Variants in SERPINB7 observed in about 807,000 individuals in gnomAD.
SERPINB7 encodes serpin B7.
In SERPINB7, 31 loss-of-function variants were observed where a neutral mutation model predicts 37.4. The ratio of observed to expected loss-of-function variants is 0.83; its 90% CI spans 0.62 to 1.12. The LOEUF (loss-of-function observed/expected upper bound fraction) is 1.12. Ranked by LOEUF, SERPINB7 falls within the 50% of genes most tolerant of loss-of-function variation. SERPINB7 has a pLI of 0.00. For missense variants in SERPINB7, 521 were observed against 455.3 expected (o/e 1.14, Z -1.31); for synonymous variants, 163 against 166.1 (o/e 0.98, Z 0.14).
chr18:63,782,608 A>T, intron 2 of SERPINB7, 68 bp downstream of exon 2: 1 of 1,444,680 alleles, frequency 6.9e-7, no homozygotes, highest in Non-Finnish European at 9.4e-7. Context: ...TTTCGTTGCA[A>T]TGGTCCCCAT....
At chr18:63,756,638 T>C (rs142855225) in intron 1 of SERPINB7, among the ~76,000 whole-genome samples, 104 of 152,328 alleles carry the variant, frequency 6.8e-4, no homozygotes, top group African/African-American at 2.3e-3. Flanking sequence ...CCCACCTTCA[T>C]GCTCGGCATT....
chr18:63,761,772 C>A (rs1444706233), intron 1 of SERPINB7, among the ~76,000 whole-genome samples: 1 of 152,102 alleles, frequency 6.6e-6, no homozygotes, highest in African/African-American at 2.4e-5. Flanking sequence ...TAAGAAGTGC[C>A]TTTCACCTCC....
At position 63,776,215 on chromosome 18, in the gene SERPINB7, T is replaced by C. The variant is rs113492262; in HGVS notation, c.-19+499T>C. 8.0e-3 allele frequency among the ~76,000 whole-genome samples: 1,210 copies of C among 152,130 alleles called. 20 individuals carry two copies. The highest frequency in any genetic ancestry group is 0.028 in the African/African-American group (1,164 of 41,508). On this transcript the variant is annotated intron_variant, in intron 1 of 7. Coordinates refer to ENST00000398019, the MANE Select transcript of SERPINB7 (RefSeq NM_003784.4). ...TTAAAATAATGAAATATAATGTAGC[T>C]ACATAAAGATGAATTCAATAGATGC...
intron 1 of SERPINB7, among the ~76,000 whole-genome samples, chr18:63,758,231 A>G (rs1017627851): frequency 1.1e-4 from 16 of 152,208 alleles, no homozygotes; most frequent in Non-Finnish European, 7.3e-5. Flanking sequence ...ATAAACCCCC[A>G]GAAATTTTTA....
intron 2 of SERPINB7, among the ~76,000 whole-genome samples, chr18:63,784,232 G>A (rs2049342269): frequency 6.6e-6 from 1 of 152,108 alleles, no homozygotes; most frequent in African/African-American, 2.4e-5. Flanking sequence ...TTCTACAACT[G>A]GTTTTCTCAA....
intron 1 of SERPINB7, among the ~76,000 whole-genome samples, chr18:63,757,596 C>T (rs2049129267): frequency 1.3e-5 from 2 of 152,186 alleles, no homozygotes; most frequent in African/African-American, 4.8e-5. Context: ...ACAGCCATGT[C>T]TATTTGCTTA....
At chr18:63,804,116 A>T in intron 7 of SERPINB7, 121 bp from the exon 8 acceptor site, 1 of 698,202 alleles carries the variant, frequency 1.4e-6, no homozygotes, top group African/African-American at 1.8e-5. Flanking sequence ...AGACACATTC[A>T]TGTACTTGAA....
At chr18:63,772,994 G>A (rs2049220144), upstream of SERPINB7, among the ~76,000 whole-genome samples, 1 of 152,096 alleles carries the variant, frequency 6.6e-6, no homozygotes, top group African/African-American at 2.4e-5. Context: ...TCAGAAGAAG[G>A]AGGAGGAATT....
intron 7 of SERPINB7, among the ~76,000 whole-genome samples, chr18:63,803,228 T>A (rs1247576279): frequency 6.6e-6 from 1 of 151,822 alleles, no homozygotes; most frequent in African/African-American, 2.4e-5. Flanking sequence ...GGAAGTTGGA[T>A]CTCAGTGCAC....
intron 2 of SERPINB7, among the ~76,000 whole-genome samples, chr18:63,784,267 C>A (rs2049342705): frequency 6.6e-6 from 1 of 152,162 alleles, no homozygotes; most frequent in Non-Finnish European, 1.5e-5. Context: ...ACATTTTTGG[C>A]TGGATAAATC....
intron 1 of SERPINB7, among the ~76,000 whole-genome samples, chr18:63,779,560 T>C (rs578160878): frequency 6.6e-6 from 1 of 152,272 alleles, no homozygotes; most frequent in Admixed American, 6.5e-5. Flanking sequence ...TAGTATCACC[T>C]ATCATTTTAA....
intron 6 of SERPINB7, 104 bp downstream of exon 6, chr18:63,798,850 C>A (rs2049517703): frequency 8.1e-7 from 1 of 1,227,726 alleles, no homozygotes; most frequent in Non-Finnish European, 1.1e-6. Context: ...CGTTTTAAAC[C>A]CATTTCTTCT....
chr18:63,780,322 T>G (rs2049289205), intron 1 of SERPINB7, among the ~76,000 whole-genome samples: 1 of 152,182 alleles, frequency 6.6e-6, no homozygotes, highest in Admixed American at 6.5e-5. Context: ...AAAATCAGCA[T>G]AGATTTCATT....
chr18:63,782,571 G>C, intron 2 of SERPINB7, 31 bp downstream of exon 2: 1 of 1,552,116 alleles, frequency 6.4e-7, no homozygotes, highest in Non-Finnish European at 8.7e-7. Flanking sequence ...TTAATCACTG[G>C]GACAAATTGT....
Position 63,796,258 on chromosome 18 carries a change from C to T in SERPINB7, c.337-8C>T, listed in dbSNP as rs1285543035. The T allele has an allele frequency of 1.3e-6, 2 of 1,502,708 alleles. No homozygotes were observed. Among genetic ancestry groups the T allele is most frequent in the East Asian group, 2.3e-5 (1 of 44,226 alleles). The allele number at this position is 1,502,708 out of a possible 1,614,324, so 93.1% of individuals were successfully genotyped here. On this transcript the variant is annotated splice_polypyrimidine_tract_variant and splice_region_variant and intron_variant, in intron 4 of 7. Transcript: ENST00000398019. ...TTGTAAATACGAGAACTATATTCTT[C>T]TTTATAGGACTACATTGAGTGTGCC...
intron 2 of SERPINB7, among the ~76,000 whole-genome samples, chr18:63,783,995 G>T (rs748190047): frequency 4.6e-5 from 7 of 152,088 alleles, no homozygotes; most frequent in Non-Finnish European, 1.0e-4. Flanking sequence ...GCGCTAGAGC[G>T]GTTTACAACC....
chr18:63,756,301 T>C (rs1196649190), intron 1 of SERPINB7, among the ~76,000 whole-genome samples: 1 of 152,156 alleles, frequency 6.6e-6, no homozygotes, highest in East Asian at 1.9e-4. Flanking sequence ...AACTCTACCA[T>C]GTACCAGATA....
At chr18:63,766,756 G>T (rs1200838140) in intron 1 of SERPINB7, among the ~76,000 whole-genome samples, 1 of 152,060 alleles carries the variant, frequency 6.6e-6, no homozygotes, top group African/African-American at 2.4e-5. Flanking sequence ...ACCCAGCCCT[G>T]ACTTCTTTCC....
chr18:63,786,108 T>C (rs974381836), intron 2 of SERPINB7, among the ~76,000 whole-genome samples: 19 of 114,008 alleles, frequency 1.7e-4, no homozygotes, highest in Admixed American at 1.6e-3. Flanking sequence ...AGTATATATA[T>C]GTATATATGT....
Sources: allele counts gnomAD v4.1 joint callset (sites outside exome capture counted in the v4.1 genomes callset), GRCh38; gene constraint gnomAD v4.1.1; transcripts MANE v1.5; gene names NCBI Gene and HGNC (gene_info 2026-07-23, HGNC 2026-07-21).